The following CDH13 variants were observed in gnomAD, a reference collection of about 807,000 sequenced individuals.
CDH13 encodes cadherin-13.
In CDH13, 24 loss-of-function variants were observed where a neutral mutation model predicts 63.8. The observed-to-expected ratio is 0.38, with a 90% CI of 0.27 to 0.53. The LOEUF is 0.53. CDH13 is among the 20% of genes least tolerant of loss of function. The pLI, the probability that CDH13 is intolerant of heterozygous loss-of-function variation, is 0.85. For missense variants in CDH13, 1,049 were observed against 903.1 expected (o/e 1.16, Z -2.07); for synonymous variants, 503 against 355.3 (o/e 1.42, Z -4.67).
intron 1 of CDH13, among the ~76,000 whole-genome samples, chr16:82,764,119 T>A (rs542754404): frequency 6.6e-6 from 1 of 152,348 alleles, no homozygotes; most frequent in African/African-American, 2.4e-5. Context: ...TCACATGTTA[T>A]TCTCACCAGA....
intron 1 of CDH13, among the ~76,000 whole-genome samples, chr16:82,653,995 T>G (rs1404271603): frequency 1.3e-5 from 2 of 152,122 alleles, no homozygotes; most frequent in Non-Finnish European, 2.9e-5. Context: ...GAAATCAGGT[T>G]TCTTCCAGCC....
intron 6 of CDH13, among the ~76,000 whole-genome samples, chr16:83,468,871 C>T (rs1169471800): frequency 6.6e-6 from 1 of 152,192 alleles, no homozygotes; most frequent in African/African-American, 2.4e-5. Context: ...ATCACCTAGG[C>T]ATTAAGCCCT....
chr16:83,072,530 G>C (rs902280601), intron 3 of CDH13, among the ~76,000 whole-genome samples: 3 of 152,144 alleles, frequency 2.0e-5, no homozygotes, highest in Non-Finnish European at 2.9e-5. Context: ...TCTGTCAAAA[G>C]CTAGAGATGT....
intron 2 of CDH13, among the ~76,000 whole-genome samples, chr16:83,013,566 A>T (rs994129241): frequency 6.6e-6 from 1 of 152,214 alleles, no homozygotes; most frequent in South Asian, 2.1e-4. Flanking sequence ...CCTCAGGAAG[A>T]GCTCCAAATA....
At chr16:82,900,563 C>T (rs1188902771) in intron 2 of CDH13, among the ~76,000 whole-genome samples, 1 of 152,070 alleles carries the variant, frequency 6.6e-6, no homozygotes, top group Non-Finnish European at 1.5e-5. Flanking sequence ...TTATTTTCCC[C>T]GAATAAATAA....
At chr16:83,166,232 T>C (rs2037661612) in intron 4 of CDH13, among the ~76,000 whole-genome samples, 1 of 152,124 alleles carries the variant, frequency 6.6e-6, no homozygotes, top group South Asian at 2.1e-4. Context: ...AATAACCAAG[T>C]GCTGCTCTGG....
chr16:83,603,099 A>G (rs1035458102), intron 8 of CDH13, among the ~76,000 whole-genome samples: 1 of 152,188 alleles, frequency 6.6e-6, no homozygotes, highest in African/African-American at 2.4e-5. Flanking sequence ...CTGTGCTTTT[A>G]TGATTATGGA....
chr16:82,953,111 T>C (rs1313598924), intron 2 of CDH13: 1 of 152,234 alleles, frequency 6.6e-6, no homozygotes, highest in African/African-American at 2.4e-5. Flanking sequence ...CCTCATAGAC[T>C]ATGATCTTTT....
At chr16:83,028,968 T>C (rs1351909601) in intron 2 of CDH13, among the ~76,000 whole-genome samples, 1 of 152,212 alleles carries the variant, frequency 6.6e-6, no homozygotes, top group African/African-American at 2.4e-5. Flanking sequence ...GCTCATCATT[T>C]ACAACCTGTG....
chr16:82,836,725 C>A (rs2038784530), intron 1 of CDH13, among the ~76,000 whole-genome samples: 1 of 152,148 alleles, frequency 6.6e-6, no homozygotes, highest in East Asian at 1.9e-4. Flanking sequence ...CTGTGGTACA[C>A]CTGGGCTCAG....
At chr16:82,769,578 A>T (rs1662797501) in intron 1 of CDH13, among the ~76,000 whole-genome samples, 1 of 152,222 alleles carries the variant, frequency 6.6e-6, no homozygotes, top group Non-Finnish European at 1.5e-5. Flanking sequence ...ATGTCTCCTG[A>T]TGCCACCCTA....
chr16:83,528,855 C>A (rs966650108), intron 7 of CDH13, among the ~76,000 whole-genome samples: 1 of 152,076 alleles, frequency 6.6e-6, no homozygotes, highest in African/African-American at 2.4e-5. Flanking sequence ...TGCCTTTTTT[C>A]TTTGTTCATT....
At chr16:83,758,209 G>A (rs1287063721) in intron 11 of CDH13, among the ~76,000 whole-genome samples, 1 of 151,996 alleles carries the variant, frequency 6.6e-6, no homozygotes, top group Non-Finnish European at 1.5e-5. Flanking sequence ...AACAGAAATA[G>A]AAGAAATACT....
At chr16:83,568,115 A>G (rs1904302680) in intron 7 of CDH13, among the ~76,000 whole-genome samples, 1 of 151,992 alleles carries the variant, frequency 6.6e-6, no homozygotes, top group Admixed American at 6.6e-5. Flanking sequence ...TCTCCTCCCA[A>G]GCTCATTTCA....
At chr16:83,021,696 T>C (rs184954931) in intron 2 of CDH13, among the ~76,000 whole-genome samples, 27 of 152,326 alleles carry the variant, frequency 1.8e-4, no homozygotes, top group African/African-American at 6.3e-4. Context: ...ATTAAGACTG[T>C]TTTATGTTTG....
intron 8 of CDH13, among the ~76,000 whole-genome samples, chr16:83,624,103 G>C (rs1282121008): frequency 6.6e-6 from 1 of 152,138 alleles, no homozygotes; most frequent in African/African-American, 2.4e-5. Flanking sequence ...CTTGTCTGCA[G>C]CTCCAGCTGT....
intron 2 of CDH13, among the ~76,000 whole-genome samples, chr16:82,985,243 G>C (rs1176177934): frequency 6.6e-6 from 1 of 152,150 alleles, no homozygotes; most frequent in Non-Finnish European, 1.5e-5. Flanking sequence ...TGAGACCTTA[G>C]GAGAACTTCT....
chr16:83,391,709 C>G (rs1317975403), intron 6 of CDH13, among the ~76,000 whole-genome samples: 1 of 152,154 alleles, frequency 6.6e-6, no homozygotes, highest in Non-Finnish European at 1.5e-5. Flanking sequence ...GAACACAGGT[C>G]TGTTTTGCAT....
At chr16:83,764,728 TC>T (rs1451858192) in intron 11 of CDH13, among the ~76,000 whole-genome samples, 1 of 141,502 alleles carries the variant, frequency 7.1e-6, no homozygotes, top group East Asian at 2.2e-4. Flanking sequence ...TACTCTTGCA[TC>T]CTGCCTGCCT....
Sources: allele counts gnomAD v4.1 joint callset (sites outside exome capture counted in the v4.1 genomes callset), GRCh38; gene constraint gnomAD v4.1.1; transcripts MANE v1.5; gene names NCBI Gene and HGNC (gene_info 2026-07-23, HGNC 2026-07-21).